Variants in TMEM154 observed in about 807,000 individuals in gnomAD.
The protein encoded by TMEM154 is transmembrane protein 154.
In TMEM154, 27 loss-of-function variants were observed where a neutral mutation model predicts 24.5. The observed-to-expected ratio is 1.10, with a 90% CI of 0.81 to 1.52. The LOEUF is 1.52. Among genes scored for constraint, TMEM154 ranks in the 40% most tolerant of loss-of-function variants. The pLI is 0.00. For synonymous variants in TMEM154, 67 were observed against 76.8 expected, an observed-to-expected ratio of 0.87 and a Z score of 0.67; for missense variants, 228 against 213.4, an observed-to-expected ratio of 1.07 and a Z score of -0.43.
intron 5 of TMEM154, among the ~76,000 whole-genome samples, chr4:152,642,200 T>C (rs1294150781): frequency 6.6e-6 from 1 of 152,120 alleles, no homozygotes; most frequent in Non-Finnish European, 1.5e-5. Context: ...ATTATAGGCG[T>C]GAGCCACCGT....
intron 3 of TMEM154, chr4:152,647,151 T>C (rs1728264509): frequency 1.0e-6 from 1 of 978,796 alleles, no homozygotes; most frequent in Non-Finnish European, 1.2e-6. Flanking sequence ...TAAAGACTTA[T>C]TTCCTAGTAT....
chr4:152,641,259 C>T (rs1752251565), intron 5 of TMEM154: 1 of 372,942 alleles, frequency 2.7e-6, no homozygotes, highest in Non-Finnish European at 4.8e-6. Context: ...CCTGCAGCAC[C>T]CCAGTGCTCC....
chr4:152,621,331 T>A lies in TMEM154; in HGVS notation c.*7215A>T, dbSNP rs1039136825. 6.6e-6 allele frequency: 1 copy of A among 152,198 alleles called. No individual in the cohort carries two copies. Among genetic ancestry groups the A allele is most frequent in the Admixed American group, 6.5e-5 (1 of 15,284 alleles). 9.4% of individuals were successfully genotyped at this position (152,198 alleles called of 1,614,324 possible). ...GGGGAAGAGTTAGAAGGAACTTGTG[T>A]CCTAGATGACCAGGGAGCGGCCATA... is the stretch of plus-strand genomic sequence containing the variant. On this transcript the variant is annotated 3_prime_UTR_variant, in exon 7 of 7. Transcript: ENST00000304385.
At chr4:152,650,066 A>G (rs1013382246) in intron 3 of TMEM154, among the ~76,000 whole-genome samples, 1 of 152,148 alleles carries the variant, frequency 6.6e-6, no homozygotes, top group Non-Finnish European at 1.5e-5. Context: ...TCTTGCCTTG[A>G]TGTTGATGGT....
At chr4:152,632,923 A>G (rs1285125361) in intron 6 of TMEM154, among the ~76,000 whole-genome samples, 1 of 152,130 alleles carries the variant, frequency 6.6e-6, no homozygotes, top group African/African-American at 2.4e-5. Context: ...TAAACAATAA[A>G]TGAGAAAATG....
intron 1 of TMEM154, among the ~76,000 whole-genome samples, chr4:152,665,606 C>T (rs1455304449): frequency 6.6e-6 from 1 of 152,110 alleles, no homozygotes; most frequent in Non-Finnish European, 1.5e-5. Flanking sequence ...CCCTGCATAT[C>T]CAGAAAATGT....
At chr4:152,647,104 TA>T in intron 3 of TMEM154, 1 of 1,263,750 alleles carries the variant, frequency 7.9e-7, no homozygotes, top group Non-Finnish European at 1.1e-6. Flanking sequence ...TGAAGTGTTC[TA>T]AAAGTTTTGG....
Position 152,679,892 on chromosome 4 carries a change from G to A in TMEM154, c.42C>T (p.Ile14=), listed in dbSNP as rs1236915933. 1.2e-6 allele frequency: 2 copies of A among 1,610,594 alleles called. No individual in the cohort carries two copies. The highest frequency in any genetic ancestry group is 1.7e-6 in the Non-Finnish European group (2 of 1,178,948). Residue 14 remains isoleucine (I), a synonymous_variant, in exon 1 of 7, where the codon ATC becomes ATT. Coordinates refer to ENST00000304385, the MANE Select transcript of TMEM154 (RefSeq NM_152680.3). ...PRAALVFALV[I]ALVPVGRGNY... The stretch of plus-strand genomic sequence containing the variant: ...TACCCCGGCCGACGGGAACGAGCGC[G>A]ATCACCAGGGCGAAGACTAGGGCTG...
intron 6 of TMEM154, among the ~76,000 whole-genome samples, chr4:152,639,100 G>A (rs544814361): frequency 1.1e-4 from 17 of 152,150 alleles, no homozygotes; most frequent in South Asian, 4.2e-4. Flanking sequence ...ACAGGTGCCC[G>A]CCACAACGCC....
At chr4:152,646,099 T>C (rs1752367659) in intron 3 of TMEM154, among the ~76,000 whole-genome samples, 1 of 152,110 alleles carries the variant, frequency 6.6e-6, no homozygotes, top group Admixed American at 6.6e-5. Context: ...AAGCTCCTCC[T>C]GTTTTGTCAC....
intron 3 of TMEM154, chr4:152,647,249 A>G (rs1432304077): frequency 3.0e-6 from 3 of 985,128 alleles, no homozygotes; most frequent in Non-Finnish European, 3.6e-6. Context: ...GCAGGTGTCC[A>G]TGCTCTCCTA....
At chr4:152,644,274 C>T in intron 4 of TMEM154, 141 bp downstream of exon 4, 2 of 859,070 alleles carry the variant, frequency 2.3e-6, no homozygotes, top group East Asian at 2.6e-5. Context: ...CTCCCTCAGG[C>T]TGCCAAGGAT....
intron 3 of TMEM154, among the ~76,000 whole-genome samples, chr4:152,646,149 C>A (rs1728221225): frequency 6.6e-6 from 1 of 152,076 alleles, no homozygotes; most frequent in Non-Finnish European, 1.5e-5. Flanking sequence ...GCTGAATAAA[C>A]CCCTGACTAT....
intron 6 of TMEM154, among the ~76,000 whole-genome samples, chr4:152,634,877 C>T (rs1579510400): frequency 6.6e-6 from 1 of 152,256 alleles, no homozygotes; most frequent in South Asian, 2.1e-4. Flanking sequence ...GATATGTATT[C>T]ACTACACTCC....
intron 1 of TMEM154, among the ~76,000 whole-genome samples, chr4:152,675,420 G>A (rs571044180): frequency 2.0e-5 from 3 of 152,072 alleles, no homozygotes; most frequent in Non-Finnish European, 4.4e-5. Flanking sequence ...CTGCGGTCGC[G>A]AGTTTGAGAC....
chr4:152,645,200 G>A (rs1420322786), intron 3 of TMEM154, among the ~76,000 whole-genome samples: 1 of 151,956 alleles, frequency 6.6e-6, no homozygotes, highest in East Asian at 1.9e-4. Flanking sequence ...ATTTATCGTG[G>A]TATCCCCTCA....
At chr4:152,633,248 C>T (rs1442450710) in intron 6 of TMEM154, among the ~76,000 whole-genome samples, 1 of 152,218 alleles carries the variant, frequency 6.6e-6, no homozygotes, top group Non-Finnish European at 1.5e-5. Flanking sequence ...GAGCAACGGA[C>T]AAAGCTCTGC....
intron 3 of TMEM154, among the ~76,000 whole-genome samples, chr4:152,649,747 A>T (rs1245416635): frequency 6.6e-6 from 1 of 152,148 alleles, no homozygotes; most frequent in East Asian, 1.9e-4. Flanking sequence ...TATTGGCTAA[A>T]ATTATACAGG....
chr4:152,671,796 C>T (rs1728845984), intron 1 of TMEM154, among the ~76,000 whole-genome samples: 1 of 150,586 alleles, frequency 6.6e-6, no homozygotes, highest in Non-Finnish European at 1.5e-5. Flanking sequence ...GGTGAGAGCC[C>T]ACAGGAGTCT....
Sources: gnomAD v4.1 joint callset for allele counts (sites outside exome capture counted in the v4.1 genomes callset) on GRCh38, gnomAD v4.1.1 for gene constraint, MANE v1.5 for transcripts, NCBI Gene and HGNC (gene_info 2026-07-23, HGNC 2026-07-21) for gene names.